The following CDYL2 variants were observed in gnomAD, a reference collection of about 807,000 sequenced individuals.
CDYL2 encodes the protein chromodomain Y-like protein 2.
In CDYL2, 23 loss-of-function variants were observed where a neutral mutation model predicts 49.4. The observed-to-expected ratio is 0.47, with a 90% CI of 0.34 to 0.66. The LOEUF (loss-of-function observed/expected upper bound fraction) is 0.66, where lower values mean the gene tolerates loss of function less well. CDYL2 is among the 30% of genes least tolerant of loss of function. The probability of loss-of-function intolerance (pLI) is 0.01; values close to 1 mark genes in which losing one functional copy is unlikely to be tolerated. For missense variants in CDYL2, 678 were observed against 656.4 expected (o/e 1.03, Z -0.36); for synonymous variants, 360 against 268.8 (o/e 1.34, Z -3.32).
At chr16:80,775,007 T>C (rs1353945726) in intron 1 of CDYL2, among the ~76,000 whole-genome samples, 3 of 152,028 alleles carry the variant, frequency 2.0e-5, no homozygotes, top group Non-Finnish European at 4.4e-5. Flanking sequence ...GATTTATTTC[T>C]ATAGAAAGAA....
intron 1 of CDYL2, among the ~76,000 whole-genome samples, chr16:80,730,675 T>A (rs1319949852): frequency 6.6e-6 from 1 of 152,208 alleles, no homozygotes; most frequent in African/African-American, 2.4e-5. Context: ...ACCAATACCC[T>A]TGATGAACAT....
chr16:80,749,299 G>C (rs140670114), intron 1 of CDYL2, among the ~76,000 whole-genome samples: 538 of 152,228 alleles, frequency 3.5e-3, no homozygotes, highest in South Asian at 0.019. Flanking sequence ...ACATATAAAA[G>C]TTATTGAAAA....
intron 1 of CDYL2, among the ~76,000 whole-genome samples, chr16:80,793,175 C>T (rs1263509671): frequency 6.6e-6 from 1 of 152,174 alleles, no homozygotes; most frequent in Non-Finnish European, 1.5e-5. Context: ...CTAGGCCAGC[C>T]ACTGAGGCTA....
At chr16:80,716,103 A>T (rs1443511964) in intron 1 of CDYL2, among the ~76,000 whole-genome samples, 1 of 152,230 alleles carries the variant, frequency 6.6e-6, no homozygotes, top group Non-Finnish European at 1.5e-5. Context: ...ATCAGGTAAA[A>T]ATAATTGTAA....
At position 80,763,239 on chromosome 16, in the gene CDYL2, G is replaced by T. The variant is rs555705660; in HGVS notation, c.24+40911C>A. Reference sequence around the variant, plus strand: ...CTTTATAGAATGTAATAAAGGTAATGAGAACCACAAGTAACGAGAATCAAC... The same window carrying T: ...CTTTATAGAATGTAATAAAGGTAATTAGAACCACAAGTAACGAGAATCAAC... On this transcript the variant is annotated intron_variant, in intron 1 of 6. Transcript: ENST00000570137. Among the ~76,000 whole-genome samples the T allele has an allele frequency of 5.9e-5, 9 of 151,982 alleles. No individual in the cohort carries two copies. In the East Asian group the frequency reaches 1.5e-3, roughly 26 times the overall value.
At chr16:80,735,343 G>A (rs1490035218) in intron 1 of CDYL2, among the ~76,000 whole-genome samples, 1 of 152,184 alleles carries the variant, frequency 6.6e-6, no homozygotes. Flanking sequence ...GAAAAATAAA[G>A]TACAGTCTGA....
intron 2 of CDYL2, among the ~76,000 whole-genome samples, chr16:80,668,064 G>C (rs1051515400): frequency 5.9e-5 from 9 of 152,224 alleles, no homozygotes; most frequent in Non-Finnish European, 1.2e-4. Flanking sequence ...GCATTACAAA[G>C]ACTGGCCCTA....
At chr16:80,637,543 C>A (rs1907892187) in intron 2 of CDYL2, among the ~76,000 whole-genome samples, 1 of 152,066 alleles carries the variant, frequency 6.6e-6, no homozygotes, top group Non-Finnish European at 1.5e-5. Context: ...AAAAGAAAAA[C>A]AATTACTCCT....
At chr16:80,699,491 A>C (rs1904290013) in intron 1 of CDYL2, among the ~76,000 whole-genome samples, 1 of 151,002 alleles carries the variant, frequency 6.6e-6, no homozygotes. Flanking sequence ...AGAGTAGAAC[A>C]GTAGTTACTA....
intron 2 of CDYL2, chr16:80,639,722 A>T (rs1186241970): frequency 2.2e-6 from 1 of 456,066 alleles, no homozygotes. Context: ...GAGGTAAGAA[A>T]AACAGTCTTG....
chr16:80,675,840 C>G (rs372797919), intron 2 of CDYL2, among the ~76,000 whole-genome samples: 2 of 152,144 alleles, frequency 1.3e-5, no homozygotes, highest in East Asian at 1.9e-4. Flanking sequence ...TCCACTCCCC[C>G]ACTATACCCT....
At chr16:80,658,624 T>C (rs1040772164) in intron 2 of CDYL2, among the ~76,000 whole-genome samples, 2 of 152,070 alleles carry the variant, frequency 1.3e-5, no homozygotes, top group Non-Finnish European at 2.9e-5. Flanking sequence ...AAGAATCCAG[T>C]GAGGTTAAAA....
At chr16:80,614,743 A>T (rs1906750689) in intron 4 of CDYL2, among the ~76,000 whole-genome samples, 1 of 152,016 alleles carries the variant, frequency 6.6e-6, no homozygotes, top group Non-Finnish European at 1.5e-5. Flanking sequence ...AGATGCCTGT[A>T]GTCCCAGCTA....
intron 2 of CDYL2, among the ~76,000 whole-genome samples, chr16:80,663,632 G>A (rs1163404421): frequency 6.6e-6 from 1 of 151,644 alleles, no homozygotes; most frequent in Non-Finnish European, 1.5e-5. Flanking sequence ...CATTCTTCTT[G>A]CCCAGGCTGG....
chr16:80,733,517 G>A (rs189496665), intron 1 of CDYL2, among the ~76,000 whole-genome samples: 124 of 152,180 alleles, frequency 8.1e-4, no homozygotes, highest in Middle Eastern at 3.4e-3. Context: ...CTCTTTATAC[G>A]CAGTAGGAAG....
At chr16:80,793,066 T>G (rs1013696964) in intron 1 of CDYL2, among the ~76,000 whole-genome samples, 1 of 152,184 alleles carries the variant, frequency 6.6e-6, no homozygotes, top group African/African-American at 2.4e-5. Context: ...TACAAGTGTG[T>G]CTCCCAACAG....
At chr16:80,738,880 T>C (rs1282811662) in intron 1 of CDYL2, 1 of 152,232 alleles carries the variant, frequency 6.6e-6, no homozygotes, top group Non-Finnish European at 1.5e-5. Flanking sequence ...GGCAAATTTC[T>C]AATTCTTGTG....
chr16:80,782,439 A>T (rs1189628001), intron 1 of CDYL2, among the ~76,000 whole-genome samples: 1 of 151,588 alleles, frequency 6.6e-6, no homozygotes, highest in Admixed American at 6.6e-5. Context: ...TTCTTCTTAA[A>T]ATCTTCTAAA....
At chr16:80,759,696 A>T (rs749596974) in intron 1 of CDYL2, among the ~76,000 whole-genome samples, 6 of 152,202 alleles carry the variant, frequency 3.9e-5, no homozygotes, top group Non-Finnish European at 7.3e-5. Flanking sequence ...AACCATAAAG[A>T]TGCAAGTGCA....
Sources: allele counts gnomAD v4.1 joint callset (sites outside exome capture counted in the v4.1 genomes callset), GRCh38; gene constraint gnomAD v4.1.1; transcripts MANE v1.5; gene names NCBI Gene and HGNC (gene_info 2026-07-23, HGNC 2026-07-21).